The following GRXCR1 variants were observed in gnomAD, a reference collection of about 807,000 sequenced individuals.
The protein encoded by GRXCR1 is glutaredoxin domain-containing cysteine-rich protein 1.
A neutral mutation model predicts 27.3 loss-of-function variants in GRXCR1; 27 were observed. The observed-to-expected ratio is 0.99, with a 90% CI of 0.73 to 1.37. GRXCR1 has a LOEUF of 1.37. Ranked by LOEUF, GRXCR1 falls within the 40% of genes most tolerant of loss-of-function variation. The pLI is 0.00. For synonymous variants in GRXCR1, 122 were observed against 131.1 expected (o/e 0.93, Z 0.47); for missense variants, 379 against 354.4 (o/e 1.07, Z -0.56).
intron 2 of GRXCR1, among the ~76,000 whole-genome samples, chr4:42,971,610 C>T (rs1748389663): frequency 6.6e-6 from 1 of 151,964 alleles, no homozygotes; most frequent in Non-Finnish European, 1.5e-5. Flanking sequence ...AACCAGATCT[C>T]AGGAGAACTC....
intron 2 of GRXCR1, among the ~76,000 whole-genome samples, chr4:43,015,465 AT>A (rs1712901789): frequency 6.6e-6 from 1 of 152,126 alleles, no homozygotes; most frequent in Admixed American, 6.6e-5. Flanking sequence ...TGAAAACAAT[AT>A]TTTTATGGTT....
chr4:42,962,745 G>A lies in GRXCR1; in HGVS notation c.385-147G>A, dbSNP rs1397503764. On this transcript the variant is annotated intron_variant, in intron 1 of 3. Transcript: ENST00000399770. ...TATCTGTATCCCAATTACAGATGTT[G>A]TAACTTAAAAAGGTAAGTCTTTGAA... is the stretch of plus-strand genomic sequence containing the variant. 5 of 840,098 alleles carry A rather than the reference G, an allele frequency of 6.0e-6. No individual in the cohort carries two copies. In the Middle Eastern group the frequency reaches 9.3e-4, roughly 156 times the overall value. 52.0% of individuals were successfully genotyped at this position (840,098 alleles called of 1,614,324 possible). A position where few individuals can be genotyped will look rare whatever the true frequency, so the allele number is the denominator to read the frequency against.
At position 42,961,164 on chromosome 4, in the gene GRXCR1, T is replaced by C. The variant is rs188476265; in HGVS notation, c.385-1728T>C. Among the ~76,000 whole-genome samples the C allele has an allele frequency of 2.2e-4, 33 of 152,090 alleles. 1 individual carries two copies. The highest frequency in any genetic ancestry group is 1.6e-3 in the Admixed American group (25 of 15,238). ...CGGCTTTCAGCTCCATTCATGTCCC[T>C]GCAAAGAACATGATCTCATTCATTT... On this transcript the variant is annotated intron_variant, in intron 1 of 3. Transcript: ENST00000399770.
chr4:42,908,263 T>C (rs939657906), intron 1 of GRXCR1, among the ~76,000 whole-genome samples: 7 of 152,224 alleles, frequency 4.6e-5, no homozygotes, highest in African/African-American at 1.7e-4. Context: ...CTTGTGAGTA[T>C]GACGGTATAC....
intron 2 of GRXCR1, among the ~76,000 whole-genome samples, chr4:43,017,725 T>A (rs1006091418): frequency 6.6e-6 from 1 of 151,976 alleles, no homozygotes; most frequent in Non-Finnish European, 1.5e-5. Flanking sequence ...AATGGTGGAG[T>A]GTATGTAAAA....
At chr4:42,934,031 A>G (rs1470015698) in intron 1 of GRXCR1, among the ~76,000 whole-genome samples, 1 of 151,896 alleles carries the variant, frequency 6.6e-6, no homozygotes, top group African/African-American at 2.4e-5. Flanking sequence ...GTTCCAGATC[A>G]AAGTTTCAAA....
chr4:42,893,513 T>C lies in GRXCR1; in HGVS notation c.247T>C (p.Leu83=). The change falls in exon 1 of 4, where the codon TTA becomes CTA. Residue 83 remains leucine, a synonymous_variant. Coordinates refer to ENST00000399770, the MANE Select transcript of GRXCR1 (RefSeq NM_001080476.3). ...NENDQDSLLV[L]ARAASEKGFG... ...GAATGACCAGGATAGCTTGCTGGTG[T>C]TAGCAAGGGCTGCCAGTGAGAAGGG... The C allele has an allele frequency of 6.2e-7, 1 of 1,613,860 alleles. No homozygotes were observed. Among genetic ancestry groups the C allele is most frequent in the African/African-American group, 1.3e-5 (1 of 75,016 alleles).
chr4:42,982,207 C>A (rs1748690104), intron 2 of GRXCR1, among the ~76,000 whole-genome samples: 1 of 141,436 alleles, frequency 7.1e-6, no homozygotes, highest in South Asian at 2.6e-4. Context: ...CCTCCCCCCT[C>A]CCCCTACCCC....
At chr4:42,956,636 A>G (rs1269698731) in intron 1 of GRXCR1, among the ~76,000 whole-genome samples, 1 of 152,106 alleles carries the variant, frequency 6.6e-6, no homozygotes, top group African/African-American at 2.4e-5. Flanking sequence ...ATTTATAACT[A>G]TACTTTCTAC....
At chr4:42,925,137 G>C (rs906730693) in intron 1 of GRXCR1, among the ~76,000 whole-genome samples, 4 of 151,918 alleles carry the variant, frequency 2.6e-5, no homozygotes, top group African/African-American at 9.7e-5. Flanking sequence ...AGAGCACATA[G>C]GTCCTTATAT....
rs574767020 is a variant in GRXCR1 at position 43,015,614 on chromosome 4, C to T, written c.628-4740C>T. Among the ~76,000 whole-genome samples, 9 of 152,162 alleles carry T rather than the reference C, an allele frequency of 5.9e-5. No homozygotes were observed. In the East Asian group the frequency reaches 1.5e-3, roughly 26 times the overall value. On this transcript the variant is annotated intron_variant, in intron 2 of 3. Transcript: ENST00000399770. ...AGCTAACTCAGAATCAAATTTAAGGCTCACCCATAGCTACCATTTTGAGAT... is the reference window on the plus strand; with the variant it reads ...AGCTAACTCAGAATCAAATTTAAGGTTCACCCATAGCTACCATTTTGAGAT...
chr4:42,951,750 C>T (rs1226109226), intron 1 of GRXCR1, among the ~76,000 whole-genome samples: 3 of 152,174 alleles, frequency 2.0e-5, no homozygotes, highest in Non-Finnish European at 2.9e-5. Flanking sequence ...TAAAAGCATT[C>T]CCTTTTCTCC....
intron 1 of GRXCR1, among the ~76,000 whole-genome samples, chr4:42,898,803 A>T (rs1427510079): frequency 6.7e-6 from 1 of 148,902 alleles, no homozygotes; most frequent in Non-Finnish European, 1.5e-5. Flanking sequence ...AGAAATTCTT[A>T]TGTAGTGTTC....
chr4:42,908,607 T>C (rs569085034), intron 1 of GRXCR1, among the ~76,000 whole-genome samples: 4 of 152,204 alleles, frequency 2.6e-5, no homozygotes, highest in Non-Finnish European at 5.9e-5. Context: ...ACAAGTAATC[T>C]TCTATGCCTA....
chr4:42,999,336 C>T (rs13119037), intron 2 of GRXCR1, among the ~76,000 whole-genome samples: 7,300 of 152,262 alleles, frequency 0.048, 221 homozygotes, highest in African/African-American at 0.081. Context: ...AAAGGAGGGT[C>T]TTGCTTTGTA....
At chr4:42,971,324 A>G (rs1748382196) in intron 2 of GRXCR1, among the ~76,000 whole-genome samples, 1 of 152,072 alleles carries the variant, frequency 6.6e-6, no homozygotes, top group Non-Finnish European at 1.5e-5. Flanking sequence ...CCACATTTTT[A>G]TATATGTTTA....
chr4:42,957,432 C>T (rs778355824), intron 1 of GRXCR1, among the ~76,000 whole-genome samples: 5 of 151,946 alleles, frequency 3.3e-5, no homozygotes, highest in Admixed American at 2.0e-4. Context: ...GAATGGGTAG[C>T]TGTTATTTTG....
chr4:43,000,703 T>C (rs1453415100), intron 2 of GRXCR1, among the ~76,000 whole-genome samples: 1 of 152,050 alleles, frequency 6.6e-6, no homozygotes, highest in Non-Finnish European at 1.5e-5. Context: ...CCTCAGTATA[T>C]ATAGGCTTCC....
At chr4:42,941,724 C>T (rs911104518) in intron 1 of GRXCR1, among the ~76,000 whole-genome samples, 4 of 151,900 alleles carry the variant, frequency 2.6e-5, no homozygotes, top group African/African-American at 9.7e-5. Context: ...CCTTAGTTGG[C>T]ATTGTGTAGA....
Sources: gnomAD v4.1 joint callset for allele counts (sites outside exome capture counted in the v4.1 genomes callset) on GRCh38, gnomAD v4.1.1 for gene constraint, MANE v1.5 for transcripts, NCBI Gene and HGNC (gene_info 2026-07-23, HGNC 2026-07-21) for gene names.